The following TMEM117 variants were observed in gnomAD, a reference collection of about 807,000 sequenced individuals.
The protein encoded by TMEM117 is transmembrane protein 117.
In TMEM117, 27 loss-of-function variants were observed where a neutral mutation model predicts 52.4. The ratio of observed to expected loss-of-function variants is 0.51; its 90% CI spans 0.38 to 0.71. TMEM117 has a LOEUF of 0.71. Ranked by LOEUF, TMEM117 falls within the 30% of genes least tolerant of loss-of-function variation. The probability of loss-of-function intolerance (pLI) is 0.00; values close to 1 mark genes in which losing one functional copy is unlikely to be tolerated. For missense variants in TMEM117, 556 were observed against 630.5 expected, an observed-to-expected ratio of 0.88 and a Z score of 1.26; for synonymous variants, 215 against 206.3, an observed-to-expected ratio of 1.04 and a Z score of -0.36.
At chr12:44,332,712 TACAC>T (rs34633299) in intron 6 of TMEM117, among the ~76,000 whole-genome samples, 3,541 of 143,174 alleles carry the variant, frequency 0.025, 64 homozygotes, top group African/African-American at 0.047. Context: ...CTACTGTTAC[TACAC>T]ACACACACAC....
intron 6 of TMEM117, among the ~76,000 whole-genome samples, chr12:44,350,070 C>T (rs921328021): frequency 6.6e-6 from 1 of 151,968 alleles, no homozygotes; most frequent in African/African-American, 2.4e-5. Flanking sequence ...AGCATATGCC[C>T]ATATCATTGA....
At chr12:44,275,825 G>A (rs561719999) in intron 5 of TMEM117, among the ~76,000 whole-genome samples, 1 of 151,914 alleles carries the variant, frequency 6.6e-6, no homozygotes, top group Non-Finnish European at 1.5e-5. Context: ...CGGGGAGGTG[G>A]GAATGGTTAA....
At chr12:44,398,513 G>A in the TMEM117 span, among the ~76,000 whole-genome samples, 5 of 152,122 alleles carry the variant, frequency 3.3e-5, no homozygotes, top group African/African-American at 4.8e-5. Context: ...GCAGGGTACC[G>A]GTAGAAAATG....
intron 3 of TMEM117, among the ~76,000 whole-genome samples, chr12:43,993,664 T>G (rs1945981208): frequency 6.6e-6 from 1 of 152,160 alleles, no homozygotes; most frequent in African/African-American, 2.4e-5. Context: ...TATATTAAAT[T>G]AAAAACCACC....
chr12:43,814,030 T>C, the TMEM117 span, among the ~76,000 whole-genome samples: 48 of 152,242 alleles, frequency 3.2e-4, 1 homozygote, highest in South Asian at 9.5e-3. Flanking sequence ...ATGTTTATAA[T>C]GGAGATGGAC....
the TMEM117 span, among the ~76,000 whole-genome samples, chr12:43,824,401 G>C: frequency 6.6e-6 from 1 of 152,172 alleles, no homozygotes; most frequent in Admixed American, 6.5e-5. Flanking sequence ...ACTTCACTTG[G>C]CCTGAGGTGA....
chr12:44,062,398 A>G (rs958511598), intron 3 of TMEM117, among the ~76,000 whole-genome samples: 1 of 152,220 alleles, frequency 6.6e-6, no homozygotes, highest in Non-Finnish European at 1.5e-5. Flanking sequence ...AACTAAATTT[A>G]TATGTCTCAG....
At chr12:43,936,406 A>T (rs1191944603) in intron 2 of TMEM117, among the ~76,000 whole-genome samples, 1 of 152,102 alleles carries the variant, frequency 6.6e-6, no homozygotes, top group South Asian at 2.1e-4. Flanking sequence ...TTGTCTACTG[A>T]GTTTGATTTC....
At chr12:44,074,070 T>C (rs545288469) in intron 3 of TMEM117, among the ~76,000 whole-genome samples, 1 of 152,330 alleles carries the variant, frequency 6.6e-6, no homozygotes, top group East Asian at 1.9e-4. Flanking sequence ...TCAACCTTTG[T>C]TAATGAATCA....
rs1947655828 is a variant in TMEM117 at position 44,090,839 on chromosome 12, G to GTGTT, written c.411-52685_411-52684insGTTT. ...CTAATTCTTAATCCTGTATTTATGT[G>GTGTT]TTTTTTTTTGTTTTTTTTTTTTTTT... On this transcript the variant is annotated intron_variant, in intron 3 of 7. Transcript: ENST00000266534. Among the ~76,000 whole-genome samples, 27 of 104,792 alleles carry GTGTT rather than the reference G, an allele frequency of 2.6e-4. No homozygotes were observed. In the South Asian group the frequency reaches 7.5e-3, roughly 29 times the overall value. The allele number at this position is 104,792 out of a possible 152,430, so 68.7% of individuals were successfully genotyped here.
intron 3 of TMEM117, among the ~76,000 whole-genome samples, chr12:43,944,708 A>G (rs1361241881): frequency 1.3e-5 from 2 of 152,122 alleles, no homozygotes; most frequent in East Asian, 1.9e-4. Context: ...CAGGTTTGCA[A>G]TTTCATTGGT....
At position 43,944,237 on chromosome 12, in the gene TMEM117, G is replaced by A. The variant is rs1205980344; in HGVS notation, c.305G>A (p.Arg102Gln). 1 of 1,611,600 alleles carries A rather than the reference G, an allele frequency of 6.2e-7. No homozygotes were observed. The highest frequency in any genetic ancestry group is 1.7e-5 in the Admixed American group (1 of 59,704). The part of the protein sequence containing the change: ...FGQLLRLKMF[R>Q]EDHGSWMTMF... ...CAGTTGCTCCGATTAAAAATGTTTC[G>A]AGAAGATCATGGGTCGTGGATGACA... is the stretch of plus-strand genomic sequence containing the variant. The change falls in exon 3 of 8, where the codon CGA becomes CAA. Residue 102 changes from arginine to glutamine, a missense_variant. Around this residue, in one of 3 missense-constraint regions of TMEM117, gnomAD observed 328 missense variants for 371.4 expected, o/e 0.88. Coordinates refer to ENST00000266534, the MANE Select transcript of TMEM117 (RefSeq NM_032256.3).
intron 4 of TMEM117, among the ~76,000 whole-genome samples, chr12:44,147,311 G>A (rs996604824): frequency 1.3e-5 from 2 of 152,140 alleles, no homozygotes; most frequent in South Asian, 4.1e-4. Context: ...GTCAGAAGCT[G>A]GAGGAGAGTT....
At chr12:44,137,212 G>T (rs1201649878) in intron 3 of TMEM117, among the ~76,000 whole-genome samples, 2 of 151,958 alleles carry the variant, frequency 1.3e-5, no homozygotes, top group African/African-American at 2.4e-5. Context: ...TAACATAGAG[G>T]TATAGTCAAA....
At chr12:44,032,329 C>T (rs1281881757) in intron 3 of TMEM117, among the ~76,000 whole-genome samples, 2 of 152,186 alleles carry the variant, frequency 1.3e-5, no homozygotes, top group Non-Finnish European at 2.9e-5. Context: ...AACTGTGGTA[C>T]ACATTATTAA....
At chr12:44,028,369 G>A (rs1271392677) in intron 3 of TMEM117, among the ~76,000 whole-genome samples, 1 of 152,186 alleles carries the variant, frequency 6.6e-6, no homozygotes, top group East Asian at 1.9e-4. Flanking sequence ...ATTCCATCTT[G>A]AATAGGAGCT....
intron 5 of TMEM117, among the ~76,000 whole-genome samples, chr12:44,240,619 CAT>C (rs1657307021): frequency 6.6e-6 from 1 of 151,982 alleles, no homozygotes; most frequent in Non-Finnish European, 1.5e-5. Context: ...TATTTATAGA[CAT>C]ATGTTTATGT....
intron 2 of TMEM117, among the ~76,000 whole-genome samples, chr12:43,852,146 A>G (rs575556226): frequency 1.6e-3 from 248 of 150,606 alleles, no homozygotes; most frequent in Non-Finnish European, 2.8e-3. Context: ...AGAATACAAA[A>G]ACTGGCTGGG....
At chr12:43,928,053 T>C (rs1315820355) in intron 2 of TMEM117, among the ~76,000 whole-genome samples, 1 of 151,998 alleles carries the variant, frequency 6.6e-6, no homozygotes, top group Non-Finnish European at 1.5e-5. Context: ...CTCTACTAGG[T>C]TTAGAAATTA....
Sources: gnomAD v4.1 joint callset for allele counts (sites outside exome capture counted in the v4.1 genomes callset) on GRCh38, gnomAD v4.1.1 for gene constraint, gnomAD v4.1.1 regional missense constraint, MANE v1.5 for transcripts, NCBI Gene and HGNC (gene_info 2026-07-23, HGNC 2026-07-21) for gene names.